The following ATP6V0A1 variants were observed in gnomAD, a reference collection of about 807,000 sequenced individuals.
The protein encoded by ATP6V0A1 is ATPase H+ transporting V0 subunit a1.
ATP6V0A1 carries 43 observed loss-of-function variants against 105.4 expected under a neutral mutation model. The observed-to-expected ratio is 0.41, with a 90% CI of 0.32 to 0.53. The LOEUF (loss-of-function observed/expected upper bound fraction) is 0.53, where lower values mean the gene tolerates loss of function less well. Among genes scored for constraint, ATP6V0A1 ranks in the 20% least tolerant of loss-of-function variants. The probability of loss-of-function intolerance (pLI) is 0.30; values close to 1 mark genes in which losing one functional copy is unlikely to be tolerated. For missense variants in ATP6V0A1, 676 were observed against 1,051.1 expected (o/e 0.64, Z 4.93); for synonymous variants, 362 against 372.8 (o/e 0.97, Z 0.33).
At chr17:42,477,168 T>G (rs1000738590) in intron 5 of ATP6V0A1, among the ~76,000 whole-genome samples, 3 of 152,230 alleles carry the variant, frequency 2.0e-5, no homozygotes, top group Admixed American at 2.0e-4. Context: ...ATCTTTCACA[T>G]TCTCACGTAG....
intron 21 of ATP6V0A1, among the ~76,000 whole-genome samples, chr17:42,517,547 CTCG>C (rs1248841182): frequency 6.6e-6 from 1 of 152,216 alleles, no homozygotes; most frequent in Admixed American, 6.5e-5. Flanking sequence ...CTTCCAGAAT[CTCG>C]TCTTTGGAGG....
intron 5 of ATP6V0A1, among the ~76,000 whole-genome samples, chr17:42,473,666 CAT>C: frequency 6.6e-6 from 1 of 152,122 alleles, no homozygotes; most frequent in East Asian, 1.9e-4. Context: ...ATTGCTATCT[CAT>C]ATGAAAATGT....
chr17:42,514,156 ATGGT>A (rs2092493161), intron 20 of ATP6V0A1, 129 bp from the exon 21 acceptor site: 1 of 1,322,752 alleles, frequency 7.6e-7, no homozygotes, highest in African/African-American at 1.5e-5. Context: ...TTAGCTCTGC[ATGGT>A]GGTCCCACTA....
intron 21 of ATP6V0A1, among the ~76,000 whole-genome samples, chr17:42,515,584 G>A (rs1179733131): frequency 1.3e-5 from 2 of 152,084 alleles, no homozygotes; most frequent in Non-Finnish European, 2.9e-5. Context: ...TGGGGAGTTC[G>A]AGACCAGCCT....
chr17:42,478,351 A>G lies in ATP6V0A1; in HGVS notation c.507-112A>G, dbSNP rs543355180. ...GTTGTGCACATGTACCCTAGAACTT[A>G]AAGTATAATAAAAAAAGATATATAT... On this transcript the variant is annotated intron_variant, in intron 6 of 21. Coordinates refer to ENST00000343619, the MANE Select transcript of ATP6V0A1 (RefSeq NM_001130021.3). 3.1e-5 allele frequency: 23 copies of G among 746,782 alleles called. No homozygotes were observed. The African/African-American group carries it at 4.2e-4, about 14-fold the overall frequency. The allele number at this position is 746,782 out of a possible 1,614,324, so 46.3% of individuals were successfully genotyped here. A position where few individuals can be genotyped will look rare whatever the true frequency, so the allele number is the denominator to read the frequency against.
At chr17:42,493,046 T>G (rs879806649) in intron 11 of ATP6V0A1, among the ~76,000 whole-genome samples, 2 of 152,140 alleles carry the variant, frequency 1.3e-5, no homozygotes, top group Non-Finnish European at 2.9e-5. Flanking sequence ...ACTGGATTCT[T>G]TCATGTGCCC....
chr17:42,494,240 A>C, intron 11 of ATP6V0A1, 94 bp from the exon 12 acceptor site: 1 of 1,328,956 alleles, frequency 7.5e-7, no homozygotes, highest in South Asian at 1.4e-5. Flanking sequence ...TCTCAAAAAA[A>C]AAAAGGGGGG....
rs372214878 is a variant in ATP6V0A1, at chr17:42,495,215, A to G, written c.1469+27A>G. On this transcript the variant is annotated intron_variant, in intron 13 of 21. Transcript: ENST00000343619. ...TAAGTTGCAGAAGAAGCTAAAATTC[A>G]AAGCTTATTCCTTTCATGTGCAGCC... is the stretch of plus-strand genomic sequence containing the variant. 359 of 1,611,156 alleles carry G rather than the reference A, an allele frequency of 2.2e-4. 1 individual carries two copies. The Middle Eastern group carries it at 3.6e-3, about 16-fold the overall frequency.
chr17:42,508,441 C>G, intron 18 of ATP6V0A1, 131 bp from the exon 19 acceptor site: 1 of 1,138,134 alleles, frequency 8.8e-7, no homozygotes, highest in Non-Finnish European at 1.3e-6. Context: ...GCTGAGGAGG[C>G]CTGCCTCCAA....
intron 21 of ATP6V0A1, among the ~76,000 whole-genome samples, chr17:42,515,525 C>T (rs2092583872): frequency 6.7e-6 from 1 of 150,098 alleles, no homozygotes; most frequent in African/African-American, 2.5e-5. Context: ...GTGGTTCACT[C>T]CTGTAATCCC....
At chr17:42,465,895 G>A (rs970295274) in intron 2 of ATP6V0A1, among the ~76,000 whole-genome samples, 5 of 151,978 alleles carry the variant, frequency 3.3e-5, no homozygotes, top group Non-Finnish European at 5.9e-5. Context: ...GAACCTGGGA[G>A]GCAGAGGTTG....
intron 5 of ATP6V0A1, among the ~76,000 whole-genome samples, chr17:42,473,037 A>G (rs757870668): frequency 5.9e-5 from 9 of 152,210 alleles, no homozygotes; most frequent in Non-Finnish European, 1.0e-4. Flanking sequence ...TTGACTCAGA[A>G]GCCATTTAAT....
intron 5 of ATP6V0A1, among the ~76,000 whole-genome samples, chr17:42,476,333 T>G (rs1327016575): frequency 3.3e-5 from 5 of 152,210 alleles, no homozygotes; most frequent in Non-Finnish European, 5.9e-5. Flanking sequence ...TCCCCCTTTT[T>G]GCTATGTTTA....
rs762674642 is a variant in ATP6V0A1 at position 42,483,179 on chromosome 17, C to T, written c.810+48C>T. 6.9e-5 allele frequency: 93 copies of T among 1,343,098 alleles called. 2 individuals carry two copies. In the South Asian group the frequency reaches 8.1e-4, roughly 12 times the overall value. 83.2% of individuals were successfully genotyped at this position (1,343,098 alleles called of 1,614,324 possible). ...TTTGTTTTTGTGAAATACTGGAATA[C>T]GAGACCATTATCCTTCCTTGAAATG... On this transcript the variant is annotated intron_variant, in intron 9 of 21. Transcript: ENST00000343619.
At chr17:42,484,182 C>G (rs994321520) in intron 9 of ATP6V0A1, among the ~76,000 whole-genome samples, 1 of 151,954 alleles carries the variant, frequency 6.6e-6, no homozygotes, top group Non-Finnish European at 1.5e-5. Context: ...CTCAGCCTCT[C>G]GAGTAGCTGG....
intron 2 of ATP6V0A1, among the ~76,000 whole-genome samples, chr17:42,463,249 C>T (rs543740116): frequency 9.3e-5 from 14 of 149,832 alleles, no homozygotes; most frequent in Admixed American, 1.3e-4. Context: ...TCAGGTGATC[C>T]ATCCCCCCTC....
At chr17:42,481,616 G>T (rs2089515585) in intron 8 of ATP6V0A1, among the ~76,000 whole-genome samples, 1 of 152,122 alleles carries the variant, frequency 6.6e-6, no homozygotes, top group Admixed American at 6.6e-5. Context: ...GGCCAAGGCA[G>T]GAGGATTGCT....
intron 9 of ATP6V0A1, among the ~76,000 whole-genome samples, chr17:42,486,276 T>C (rs1035543418): frequency 9.9e-5 from 15 of 152,018 alleles, no homozygotes; most frequent in African/African-American, 3.6e-4. Flanking sequence ...CCGTGCATGG[T>C]GGCGCGCGCC....
intron 11 of ATP6V0A1, among the ~76,000 whole-genome samples, chr17:42,493,291 T>C (rs1481913907): frequency 6.6e-6 from 1 of 152,202 alleles, no homozygotes; most frequent in Non-Finnish European, 1.5e-5. Flanking sequence ...CATTTTCAGT[T>C]GGAGCCCTAT....
Sources: gnomAD v4.1 joint callset for allele counts (sites outside exome capture counted in the v4.1 genomes callset) on GRCh38, gnomAD v4.1.1 for gene constraint, MANE v1.5 for transcripts, NCBI Gene and HGNC (gene_info 2026-07-23, HGNC 2026-07-21) for gene names.